The following MYBPC3 variants were observed in gnomAD, a reference collection of about 807,000 sequenced individuals.
MYBPC3 encodes the protein myosin-binding protein C, cardiac-type.
A neutral mutation model predicts 159.3 loss-of-function variants in MYBPC3; 108 were observed. The observed-to-expected ratio is 0.68, with a 90% CI of 0.58 to 0.80. The LOEUF is 0.80. Ranked by LOEUF, MYBPC3 falls within the 30% of genes least tolerant of loss-of-function variation. The pLI is 0.00. For missense variants in MYBPC3, 1,631 were observed against 1,762.1 expected, an observed-to-expected ratio of 0.93 and a Z score of 1.33; for synonymous variants, 730 against 702.0, an observed-to-expected ratio of 1.04 and a Z score of -0.63.
At chr11:47,348,262 G>A (rs1045618425) in intron 6 of MYBPC3, among the ~76,000 whole-genome samples, 162 bp downstream of exon 6, 1 of 152,214 alleles carries the variant, frequency 6.6e-6, no homozygotes, top group African/African-American at 2.4e-5. Context: ...TACCCTGCAA[G>A]CCTTGGGGTT....
At position 47,338,736 on chromosome 11, in the gene MYBPC3, C is replaced by T; in HGVS notation, c.2149-57G>A. 6.6e-7 allele frequency: 1 copy of T among 1,519,594 alleles called. No individual in the cohort carries two copies. Among genetic ancestry groups the T allele is most frequent in the East Asian group, 2.4e-5 (1 of 42,250 alleles). The allele number at this position is 1,519,594 out of a possible 1,614,324, so 94.1% of individuals were successfully genotyped here. ...AGTCAGACCCCAGAGGCCCTTGCAG[C>T]CTCCGCCAACAGCCAGATGTCCCGG... On this transcript the variant is annotated intron_variant, in intron 22 of 34. Coordinates refer to ENST00000545968, the MANE Select transcript of MYBPC3 (RefSeq NM_000256.3). This position sits in a 1 kb window ranked among gnomAD's most constrained non-coding sequence, Gnocchi z 4.7.
intron 12 of MYBPC3, among the ~76,000 whole-genome samples, chr11:47,345,002 C>T (rs1832756561): frequency 6.6e-6 from 1 of 152,162 alleles, no homozygotes; most frequent in South Asian, 2.1e-4. Flanking sequence ...GTTGGTCAGG[C>T]TGGTCTTGAA....
At position 47,337,448 on chromosome 11, in the gene MYBPC3, C is replaced by T. The variant is rs1434265977; in HGVS notation, c.2545G>A (p.Val849Ile). 4 of 1,612,768 alleles carry T rather than the reference C, an allele frequency of 2.5e-6. No individual in the cohort carries two copies. Among genetic ancestry groups the T allele is most frequent in the East Asian group, 2.2e-5 (1 of 44,868 alleles). ...GVVYEMRVYA[V>I]NAIGMSRPSP... Reference sequence around the variant, plus strand: ...GGCCTGGACATGCCGATGGCGTTGACCGCGTAGACGCGCATCTCGTACACC... The same window carrying T: ...GGCCTGGACATGCCGATGGCGTTGATCGCGTAGACGCGCATCTCGTACACC... The change falls in exon 25 of 35, where the codon GTC (valine) becomes ATC (isoleucine). Residue 849 changes from valine (V) to isoleucine (I), a missense_variant. Transcript: ENST00000545968.
intron 12 of MYBPC3, 27 bp from the exon 13 acceptor site, chr11:47,343,651 A>G (rs1397468625): frequency 4.5e-6 from 7 of 1,556,748 alleles, no homozygotes; most frequent in Middle Eastern, 1.9e-4. Context: ...AGCCCCGGCC[A>G]CCCCACCGCC....
chr11:47,349,267 G>T (rs1157562820), intron 5 of MYBPC3, among the ~76,000 whole-genome samples: 1 of 152,040 alleles, frequency 6.6e-6, no homozygotes, highest in Non-Finnish European at 1.5e-5. Flanking sequence ...AAGGCTTAAG[G>T]TTCTAGGCCT....
At position 47,343,480 on chromosome 11, in the gene MYBPC3, C is replaced by A. The variant is rs1462717876; in HGVS notation, c.1223+12G>T. 7 of 1,573,628 alleles carry A rather than the reference C, an allele frequency of 4.4e-6. No individual in the cohort carries two copies. Among genetic ancestry groups the A allele is most frequent in the African/African-American group, 2.7e-5 (2 of 74,172 alleles). On this transcript the variant is annotated intron_variant, in intron 13 of 34. Coordinates refer to ENST00000545968, the MANE Select transcript of MYBPC3 (RefSeq NM_000256.3). ...CCTCCACCCGAGCCCCCCTCCCCAC[C>A]CCAGGCTGCACCTGCCGCTCATCTG... is the stretch of plus-strand genomic sequence containing the variant.
At position 47,335,153 on chromosome 11, in the gene MYBPC3, T is replaced by C. The variant is rs2142852976; in HGVS notation, c.2794A>G (p.Lys932Glu). 1 of 1,613,004 alleles carries C rather than the reference T, an allele frequency of 6.2e-7. No homozygotes were observed. Among genetic ancestry groups the C allele is most frequent in the African/African-American group, 1.3e-5 (1 of 74,990 alleles). Residue 932 changes from lysine (K) to glutamate (E), a missense_variant, in exon 27 of 35, where the codon AAG (lysine) becomes GAG (glutamate). Transcript: ENST00000545968. ...AGCCGGGCCCCCGTGGGCAGGTCCT[T>C]CACCAGTATCGATGTGTGCTCTGTC... Reference protein sequence around the residue: ...GLTEHTSILVKDLPTGARLLF... With the variant: ...GLTEHTSILVEDLPTGARLLF...
At chr11:47,339,821 C>T (rs370098162) in intron 20 of MYBPC3, 31 bp from the exon 21 acceptor site, 105 of 1,603,374 alleles carry the variant, frequency 6.5e-5, no homozygotes, top group Non-Finnish European at 8.4e-5. Flanking sequence ...TTCAGAGAAA[C>T]GGGAGAGCCA....
chr11:47,344,318 C>T (rs899979100), intron 12 of MYBPC3, among the ~76,000 whole-genome samples: 5 of 152,220 alleles, frequency 3.3e-5, no homozygotes, highest in Admixed American at 3.3e-4. Context: ...GCCCTCTGTG[C>T]CCAGCACTCT....
chr11:47,334,025 T>C lies in MYBPC3; in HGVS notation c.2906-15A>G. ...CCGTGGCCGTTCTGTGGGTATAGAG[T>C]GGGTAGCTAAGTGAGGGCCCGCCAC... is the stretch of plus-strand genomic sequence containing the variant. On this transcript the variant is annotated splice_polypyrimidine_tract_variant and intron_variant, in intron 27 of 34. Transcript: ENST00000545968. 2.6e-6 allele frequency: 4 copies of C among 1,563,386 alleles called. No individual in the cohort carries two copies. Among genetic ancestry groups the C allele is most frequent in the Middle Eastern group, 1.7e-4 (1 of 5,996 alleles).
chr11:47,332,526 G>A lies in MYBPC3; in HGVS notation c.3627+40C>T. On this transcript the variant is annotated intron_variant, in intron 32 of 34. Transcript: ENST00000545968. The surrounding 1 kb of genome is among the most constrained non-coding windows in gnomAD (Gnocchi z 4.2). ...CTCAACGTCGGGGCCTGTGAGCCCT[G>A]CCTCCTGGTCGGCCTGGACCAGCGC... 6.3e-7 allele frequency: 1 copy of A among 1,585,352 alleles called. No homozygotes were observed. The highest frequency in any genetic ancestry group is 1.1e-5 in the South Asian group (1 of 88,320).
rs954423106 is a variant in MYBPC3 at position 47,350,548 on chromosome 11, G to T, written c.360C>A (p.Ala120=). The T allele has an allele frequency of 6.4e-7, 1 of 1,553,232 alleles. No homozygotes were observed. The highest frequency in any genetic ancestry group is 2.4e-5 in the East Asian group (1 of 42,474). The change falls in exon 3 of 35, where the codon GCC becomes GCA. Residue 120 remains alanine (A), a synonymous_variant. Transcript: ENST00000545968. The part of the protein sequence containing the change: ...PAEATGAPGE[A]PAPAAELGES... ...CTCCCAGCTCAGCGGCTGGGGCCGGGGCTTCTCCAGGGGCTCCAGTGGCCT... is the reference window on the plus strand; with the variant it reads ...CTCCCAGCTCAGCGGCTGGGGCCGGTGCTTCTCCAGGGGCTCCAGTGGCCT...
intron 2 of MYBPC3, among the ~76,000 whole-genome samples, chr11:47,350,929 C>T (rs988914418): frequency 6.6e-6 from 1 of 152,214 alleles, no homozygotes; most frequent in Non-Finnish European, 1.5e-5. Context: ...CCCTCATCCA[C>T]AGCTCCTGGG....
Position 47,347,412 on chromosome 11 carries a change from C to T in MYBPC3, c.905+14G>A, listed in dbSNP as rs993489964. The T allele has an allele frequency of 1.9e-6, 3 of 1,576,852 alleles. No individual in the cohort carries two copies. Among genetic ancestry groups the T allele is most frequent in the Non-Finnish European group, 1.7e-6 (2 of 1,161,498 alleles). On this transcript the variant is annotated intron_variant, in intron 9 of 34. Coordinates refer to ENST00000545968, the MANE Select transcript of MYBPC3 (RefSeq NM_000256.3). ...CCTCACCAGCTGCCCCAGGAACTGC[C>T]ACCCAGGACTCACCTCTTTTTCAGC...
At chr11:47,336,736 C>A (rs1277858856) in intron 25 of MYBPC3, among the ~76,000 whole-genome samples, 1 of 152,172 alleles carries the variant, frequency 6.6e-6, no homozygotes, top group Non-Finnish European at 1.5e-5. Context: ...GACTCACCCA[C>A]CCTAGTGGGA....
rs776590526 is a variant in MYBPC3, at chr11:47,343,266, TA to T, written c.1224-5del. The T allele has an allele frequency of 7.0e-6, 11 of 1,560,744 alleles. No individual in the cohort carries two copies. The highest frequency in any genetic ancestry group is 8.6e-6 in the Non-Finnish European group (10 of 1,157,620). On this transcript the variant is annotated splice_region_variant and splice_polypyrimidine_tract_variant and intron_variant, in intron 13 of 34. Transcript: ENST00000545968. ...CATCCAGAGGGGAACTTACTTGCTG[TA>T]GAACAGAAGGGGCCGTTGAAGTGTT...
chr11:47,350,761 G>T, intron 2 of MYBPC3, 146 bp from the exon 3 acceptor site: 1 of 1,283,568 alleles, frequency 7.8e-7, no homozygotes. Flanking sequence ...CCCCTCAGAG[G>T]CAGCTCATGC....
In MYBPC3 at chr11:47,347,462, G is replaced by A; in HGVS notation, c.869C>T (p.Thr290Ile). 6.3e-7 allele frequency: 1 copy of A among 1,596,628 alleles called. No homozygotes were observed. Among genetic ancestry groups the A allele is most frequent in the Non-Finnish European group, 8.5e-7 (1 of 1,171,870 alleles). ...GRRISDSHEDTGILDFSSLLK... is the reference protein window; with the variant it reads ...GRRISDSHEDIGILDFSSLLK... ...CAGTGAGCTGAAGTCCAGAATCCCA[G>A]TGTCCTCATGGCTATCACTATGGAG... is the stretch of plus-strand genomic sequence containing the variant. The change falls in exon 9 of 35, where the codon ACT becomes ATT. Residue 290 changes from threonine (T) to isoleucine (I), a missense_variant. Coordinates refer to ENST00000545968, the MANE Select transcript of MYBPC3 (RefSeq NM_000256.3).
intron 20 of MYBPC3, among the ~76,000 whole-genome samples, chr11:47,340,238 G>C (rs77837657): frequency 2.4e-5 from 2 of 84,010 alleles, no homozygotes; most frequent in Admixed American, 1.2e-4. Context: ...CACACACACA[G>C]ACACAGACAC....
Sources: allele counts gnomAD v4.1 joint callset (sites outside exome capture counted in the v4.1 genomes callset), GRCh38; gene constraint gnomAD v4.1.1; non-coding constraint Gnocchi (gnomAD v3.1); transcripts MANE v1.5; gene names NCBI Gene and HGNC (gene_info 2026-07-23, HGNC 2026-07-21).